The following KRABD1 variants were observed in gnomAD, a reference collection of about 807,000 sequenced individuals.
KRABD1 encodes KRAB domain-containing protein 1.
At chr3:42,940,055 T>A in the KRABD1 span, among the ~76,000 whole-genome samples, 1 of 152,212 alleles carries the variant, frequency 6.6e-6, no homozygotes, top group African/African-American at 2.4e-5. Flanking sequence ...AGAAATCTTT[T>A]CTTACTCAGA....
the KRABD1 span, chr3:42,936,853 T>C: frequency 1.3e-5 from 2 of 152,178 alleles, no homozygotes; most frequent in Non-Finnish European, 2.9e-5. Context: ...TGAAAATCAG[T>C]TGGTGATCAG....
chr3:42,941,649 G>C, the KRABD1 span, among the ~76,000 whole-genome samples: 1 of 152,000 alleles, frequency 6.6e-6, no homozygotes, highest in Non-Finnish European at 1.5e-5. Flanking sequence ...CTCCCTCTGG[G>C]AGTTACTCCT....
chr3:42,941,400 G>T, the KRABD1 span: 1 of 1,511,678 alleles, frequency 6.6e-7, no homozygotes, highest in Non-Finnish European at 8.8e-7. Flanking sequence ...CAGGTTGAAG[G>T]GCTCTTTTAT....
chr3:42,941,235 G>T, the KRABD1 span: 1 of 1,560,878 alleles, frequency 6.4e-7, no homozygotes, highest in East Asian at 2.3e-5. Flanking sequence ...GGAATCAGTG[G>T]CTTTTGAGGA....
the KRABD1 span, chr3:42,939,043 C>A: frequency 1.3e-6 from 1 of 751,390 alleles, no homozygotes; most frequent in Non-Finnish European, 2.1e-6. Flanking sequence ...ATATAACATA[C>A]TTTTATATAT....
At chr3:42,940,959 C>T in the KRABD1 span, among the ~76,000 whole-genome samples, 2 of 152,348 alleles carry the variant, frequency 1.3e-5, no homozygotes, top group South Asian at 4.1e-4. Flanking sequence ...GCAGCAGCTT[C>T]AGCGTCTGTG....
chr3:42,937,737 C>G, the KRABD1 span: 3 of 152,250 alleles, frequency 2.0e-5, no homozygotes, highest in Non-Finnish European at 2.9e-5. Flanking sequence ...TTTCTGGCGT[C>G]TCCTGACAGC....
the KRABD1 span, chr3:42,937,087 T>TTC: frequency 6.6e-6 from 1 of 152,224 alleles, no homozygotes; most frequent in East Asian, 1.9e-4. Flanking sequence ...TTAACATAGT[T>TTC]TCCTATGTAC....
chr3:42,939,694 C>G, the KRABD1 span, among the ~76,000 whole-genome samples: 1 of 152,280 alleles, frequency 6.6e-6, no homozygotes, highest in Admixed American at 6.5e-5. Context: ...TGTACAGTTG[C>G]TCCACATCCT....
the KRABD1 span, chr3:42,941,309 C>T: frequency 6.2e-7 from 1 of 1,600,062 alleles, no homozygotes. Flanking sequence ...GGGCCTTGTA[C>T]AGGGATGTGA....
chr3:42,938,859 C>G, the KRABD1 span: 4 of 1,502,136 alleles, frequency 2.7e-6, no homozygotes, highest in Non-Finnish European at 3.6e-6. Flanking sequence ...GCACCTGAGA[C>G]TTTTACCTTT....
At chr3:42,942,746 G>A in the KRABD1 span, 1 of 414,670 alleles carries the variant, frequency 2.4e-6, no homozygotes, top group Non-Finnish European at 4.2e-6. Context: ...TAGACTGGTA[G>A]ATTTAATGTT....
At chr3:42,937,269 C>T in the KRABD1 span, 1 of 152,188 alleles carries the variant, frequency 6.6e-6, no homozygotes, top group Admixed American at 6.5e-5. Context: ...GATTTGTTCT[C>T]CAATGTGGCT....
At chr3:42,941,775 T>G in the KRABD1 span, among the ~76,000 whole-genome samples, 1 of 152,204 alleles carries the variant, frequency 6.6e-6, no homozygotes, top group East Asian at 1.9e-4. Flanking sequence ...CAGGCTTCCT[T>G]GGAAGAACCA....
the KRABD1 span, among the ~76,000 whole-genome samples, chr3:42,942,383 A>C: frequency 6.6e-6 from 1 of 152,168 alleles, no homozygotes; most frequent in Non-Finnish European, 1.5e-5. Flanking sequence ...AAAATTGATA[A>C]ACTTGGTGCA....
the KRABD1 span, chr3:42,941,098 T>C: frequency 6.7e-6 from 5 of 747,432 alleles, no homozygotes; most frequent in Non-Finnish European, 2.0e-6. Context: ...ACAAAAACTC[T>C]GTAGGCACGT....
the KRABD1 span, chr3:42,937,988 C>G: frequency 6.6e-6 from 1 of 152,148 alleles, no homozygotes; most frequent in Non-Finnish European, 1.5e-5. Flanking sequence ...ATCTCTGATC[C>G]AACTGTTGGC....
At chr3:42,941,223 C>G in the KRABD1 span, 1 of 1,552,486 alleles carries the variant, frequency 6.4e-7, no homozygotes, top group Non-Finnish European at 8.7e-7. Context: ...CTTGTCGTTT[C>G]AGGAATCAGT....
At chr3:42,939,745 G>A in the KRABD1 span, among the ~76,000 whole-genome samples, 1 of 151,980 alleles carries the variant, frequency 6.6e-6, no homozygotes, top group African/African-American at 2.4e-5. Context: ...ATCTCATTGG[G>A]GTTTAAAAAA....
Sources: allele counts gnomAD v4.1 joint callset (sites outside exome capture counted in the v4.1 genomes callset), GRCh38; gene constraint gnomAD v4.1.1; transcripts MANE v1.5; gene names NCBI Gene and HGNC (gene_info 2026-07-23, HGNC 2026-07-21).